Variants in MTERF3 observed in about 807,000 individuals in gnomAD.
The protein encoded by MTERF3 is mitochondrial transcription termination factor 3.
MTERF3 carries 40 observed loss-of-function variants against 40.5 expected under a neutral mutation model. That is an observed-to-expected ratio of 0.99 (90% confidence interval 0.77 to 1.29). The LOEUF (loss-of-function observed/expected upper bound fraction) is 1.29. MTERF3 is among the 50% of genes most tolerant of loss of function. The pLI is 0.00. For missense variants in MTERF3, 452 were observed against 478.2 expected (o/e 0.95, Z 0.51); for synonymous variants, 158 against 166.6 (o/e 0.95, Z 0.40).
intron 3 of MTERF3, among the ~76,000 whole-genome samples, chr8:96,254,444 G>C (rs936045539): frequency 1.3e-5 from 2 of 151,800 alleles, no homozygotes; most frequent in African/African-American, 4.8e-5. Flanking sequence ...CCACTCCCCA[G>C]CTCCCTCTGC....
At chr8:96,244,151 CT>C (rs764666806) in intron 6 of MTERF3, 71 bp from the exon 7 acceptor site, 3 of 1,367,172 alleles carry the variant, frequency 2.2e-6, no homozygotes, top group African/African-American at 1.5e-5. Context: ...CAAGGCTGCA[CT>C]GATTTTTTTT....
At position 96,258,489 on chromosome 8, in the gene MTERF3, T is replaced by C. The variant is rs142588199; in HGVS notation, c.202A>G (p.Asn68Asp). The C allele has an allele frequency of 1.2e-6, 2 of 1,614,168 alleles. No individual in the cohort carries two copies. The highest frequency in any genetic ancestry group is 1.7e-6 in the Non-Finnish European group (2 of 1,180,016). The stretch of plus-strand genomic sequence containing the variant: ...CTTGAGCTAGTAGACTGGGAACTAT[T>C]CCATAAGGAGGAAGTCCTGTAAGTC... ...FKTYRTSSLW[N>D]SSQSTSSSSQ... The change falls in exon 2 of 8, where the codon AAT becomes GAT. Residue 68 changes from asparagine (N) to aspartate (D), a missense_variant. Transcript: ENST00000287025.
chr8:96,250,684 G>GGAAGAAGAAGA lies in MTERF3; in HGVS notation c.677+221_677+222insTCTTCTTCTTC, dbSNP rs1554580082. 2.2e-4 allele frequency among the ~76,000 whole-genome samples: 3 copies of GGAAGAAGAAGA among 13,532 alleles called. 1 individual carries two copies. Among genetic ancestry groups the GGAAGAAGAAGA allele is most frequent in the Non-Finnish European group, 8.3e-4 (3 of 3,610 alleles). 8.9% of individuals were successfully genotyped at this position (13,532 alleles called of 152,430 possible). ...GAAGAAGAAGAAGAAGAAGAAGAAGGAGGAGGAGGAGGGGGGGAGGGGGAG... is the reference window on the plus strand; with the variant it reads ...GAAGAAGAAGAAGAAGAAGAAGAAGGGAAGAAGAAGAAGGAGGAGGAGGGGGGGAGGGGGAG... On this transcript the variant is annotated intron_variant, in intron 4 of 7. Coordinates refer to ENST00000287025, the MANE Select transcript of MTERF3 (RefSeq NM_015942.5).
At chr8:96,249,453 C>G (rs1039687302) in intron 4 of MTERF3, among the ~76,000 whole-genome samples, 1 of 152,200 alleles carries the variant, frequency 6.6e-6, no homozygotes, top group East Asian at 1.9e-4. Flanking sequence ...GAATCATTCT[C>G]TCTCCCTTCT....
chr8:96,240,868 C>T (rs1001385056), intron 7 of MTERF3, among the ~76,000 whole-genome samples: 4 of 152,134 alleles, frequency 2.6e-5, no homozygotes, highest in African/African-American at 9.7e-5. Flanking sequence ...GGAAAGGACA[C>T]TATGAAAAGC....
chr8:96,239,824 A>G (rs2129857647), intron 7 of MTERF3, 139 bp from the exon 8 acceptor site: 2 of 713,448 alleles, frequency 2.8e-6, no homozygotes, highest in Middle Eastern at 2.3e-4. Flanking sequence ...TAAATGCCAG[A>G]GGATTTAAAT....
Position 96,247,525 on chromosome 8 carries a change from A to C in MTERF3, c.678-1071T>G, listed in dbSNP as rs373203063. 1.5e-4 allele frequency among the ~76,000 whole-genome samples: 23 copies of C among 152,342 alleles called. No individual in the cohort carries two copies. The East Asian group carries it at 3.5e-3, about 23-fold the overall frequency. ...AACAAAAAAACTTGTGAGCCAAGTG[A>C]ATTTTCCATGAGGAAACATGGATTC... On this transcript the variant is annotated intron_variant, in intron 4 of 7. Transcript: ENST00000287025.
At chr8:96,245,263 A>G (rs1810000062) in intron 6 of MTERF3, among the ~76,000 whole-genome samples, 1 of 152,144 alleles carries the variant, frequency 6.6e-6, no homozygotes, top group Non-Finnish European at 1.5e-5. Context: ...CCCTTATATA[A>G]TATTTCAAAT....
chr8:96,260,575 C>T (rs1401067761), intron 1 of MTERF3, among the ~76,000 whole-genome samples: 1 of 152,182 alleles, frequency 6.6e-6, no homozygotes, highest in Non-Finnish European at 1.5e-5. Flanking sequence ...AGCACTTCAT[C>T]CTACTTCAAA....
At chr8:96,252,056 G>A (rs1810195815) in intron 3 of MTERF3, among the ~76,000 whole-genome samples, 1 of 152,186 alleles carries the variant, frequency 6.6e-6, no homozygotes, top group Admixed American at 6.6e-5. Context: ...GGGGTTTCCA[G>A]GCACAAGCTC....
chr8:96,247,154 G>T (rs928948738), intron 4 of MTERF3, among the ~76,000 whole-genome samples: 1 of 152,054 alleles, frequency 6.6e-6, no homozygotes, highest in African/African-American at 2.4e-5. Flanking sequence ...TGTATTTTTA[G>T]TAGAGACGGG....
At chr8:96,247,881 T>C (rs1287747505) in intron 4 of MTERF3, among the ~76,000 whole-genome samples, 1 of 151,970 alleles carries the variant, frequency 6.6e-6, no homozygotes, top group Non-Finnish European at 1.5e-5. Context: ...AAAAGAACGT[T>C]TACCGAAAAA....
chr8:96,258,797 A>AT (rs1238880817), intron 1 of MTERF3, 97 bp from the exon 2 acceptor site: 4 of 944,370 alleles, frequency 4.2e-6, no homozygotes, highest in East Asian at 2.6e-5. Context: ...ACTGGAAATT[A>AT]TTTTTTTCTA....
In MTERF3 at chr8:96,257,053, C is replaced by T. The variant is rs376719625; in HGVS notation, c.396G>A (p.Gln132=). The T allele has an allele frequency of 3.1e-6, 5 of 1,613,982 alleles. No homozygotes were observed. Among genetic ancestry groups the T allele is most frequent in the Non-Finnish European group, 4.2e-6 (5 of 1,179,880 alleles). Residue 132 remains glutamine, a synonymous_variant, in exon 3 of 8, where the codon CAG becomes CAA. Transcript: ENST00000287025. The part of the protein sequence containing the change: ...MQPISEEEAI[Q]IIADPPLPPA... ...GTGGCAATGGAGGGTCTGCAATAATCTGAATAGCCTCTTCCTCTGAAATTG... is the reference window on the plus strand; with the variant it reads ...GTGGCAATGGAGGGTCTGCAATAATTTGAATAGCCTCTTCCTCTGAAATTG...
rs369246822 is a variant in MTERF3 at position 96,243,975 on chromosome 8, C to A, written c.1003G>T (p.Asp335Tyr). Reference sequence around the variant, plus strand: ...ATGCTCATCACATTGTGCACAAAATCAAACGTCTCGGTAAGTTTCATTTTA... The same window carrying A: ...ATGCTCATCACATTGTGCACAAAATAAAACGTCTCGGTAAGTTTCATTTTA... ...ANKMKLTETF[D>Y]FVHNVMSIPH... Residue 335 changes from aspartate (D) to tyrosine (Y), a missense_variant, in exon 7 of 8, where the codon GAT becomes TAT. Transcript: ENST00000287025. 6.2e-7 allele frequency: 1 copy of A among 1,613,956 alleles called. No homozygotes were observed. Among genetic ancestry groups the A allele is most frequent in the African/African-American group, 1.3e-5 (1 of 74,900 alleles).
intron 7 of MTERF3, chr8:96,239,962 T>TA: frequency 1.7e-6 from 1 of 599,556 alleles, no homozygotes; most frequent in Admixed American, 3.1e-5. Context: ...GAGAATGTGT[T>TA]AAAAAAGCAA....
chr8:96,252,743 A>T (rs1254432605), intron 3 of MTERF3, among the ~76,000 whole-genome samples: 1 of 152,248 alleles, frequency 6.6e-6, no homozygotes, highest in Non-Finnish European at 1.5e-5. Flanking sequence ...AAATAACATA[A>T]AGGGTTCAGA....
At chr8:96,258,762 C>T (rs1050629444) in intron 1 of MTERF3, 62 bp from the exon 2 acceptor site, 24 of 1,284,180 alleles carry the variant, frequency 1.9e-5, no homozygotes, top group Admixed American at 2.3e-5. Flanking sequence ...ATGTTTAAAA[C>T]GGTATTCAAA....
At chr8:96,256,928 A>G (rs1346958649) in intron 3 of MTERF3, 34 bp downstream of exon 3, 8 of 1,568,792 alleles carry the variant, frequency 5.1e-6, no homozygotes, top group Non-Finnish European at 6.0e-6. Context: ...TGAAGAGTAC[A>G]TGCAAAAAGT....
Sources: gnomAD v4.1 joint callset for allele counts (sites outside exome capture counted in the v4.1 genomes callset) on GRCh38, gnomAD v4.1.1 for gene constraint, MANE v1.5 for transcripts, NCBI Gene and HGNC (gene_info 2026-07-23, HGNC 2026-07-21) for gene names.